BCAS3: variants seen among roughly 807,000 people sequenced by gnomAD.
The protein encoded by BCAS3 is BCAS3 microtubule associated cell migration factor.
Under a neutral mutation model 116.1 loss-of-function variants are expected in BCAS3, and 53 were observed. The observed-to-expected ratio is 0.46, with a 90% confidence interval of 0.37 to 0.57. BCAS3 has a LOEUF of 0.57. Ranked by LOEUF, BCAS3 falls within the 20% of genes least tolerant of loss-of-function variation. The pLI is 0.00. For missense variants in BCAS3, 917 were observed against 1,165.4 expected (o/e 0.79, Z 3.10); for synonymous variants, 391 against 408.2 (o/e 0.96, Z 0.51).
chr17:61,338,765 C>T (rs759767305), intron 22 of BCAS3, among the ~76,000 whole-genome samples: 6 of 151,962 alleles, frequency 3.9e-5, no homozygotes, highest in Non-Finnish European at 8.8e-5. Flanking sequence ...TGAGTAACGC[C>T]TTTTCCATTT....
intron 6 of BCAS3, among the ~76,000 whole-genome samples, chr17:60,788,347 A>G (rs774979522): frequency 1.1e-4 from 16 of 152,162 alleles, no homozygotes; most frequent in Non-Finnish European, 1.6e-4. Context: ...ATAAAATGGA[A>G]GATTTGTGTT....
rs11311858 is a variant in BCAS3, at chr17:61,198,132, G to GTTTTTTT, written c.2425+113574_2425+113580dup. Among the ~76,000 whole-genome samples, 2 of 143,652 alleles carry GTTTTTTT rather than the reference G, an allele frequency of 1.4e-5. No individual in the cohort carries two copies. Among genetic ancestry groups the GTTTTTTT allele is most frequent in the Non-Finnish European group, 3.1e-5 (2 of 65,482 alleles). The allele number at this position is 143,652 out of a possible 152,430, so 94.2% of individuals were successfully genotyped here. ...GCGATTAAGATAAAGTGCAAGATAT[G>GTTTTTTT]TTTTTTTTTTTTCTTTTTTTTTTTT... On this transcript the variant is annotated intron_variant, in intron 22 of 23. Transcript: ENST00000407086. The surrounding 1 kb of genome is among the most constrained non-coding windows in gnomAD (Gnocchi z 5.0).
At chr17:60,727,543 G>A (rs755248377) in intron 5 of BCAS3, 7 of 1,201,914 alleles carry the variant, frequency 5.8e-6, no homozygotes, top group Non-Finnish European at 6.9e-6. Flanking sequence ...TGAGACTCTC[G>A]CCTCGCAAAG....
At chr17:61,160,842 T>C (rs1329147414) in intron 22 of BCAS3, among the ~76,000 whole-genome samples, 2 of 152,128 alleles carry the variant, frequency 1.3e-5, no homozygotes, top group African/African-American at 4.8e-5. Flanking sequence ...CTGCAGCTGA[T>C]ATAAATGCAG....
At chr17:60,976,020 C>CTTTTTTTTTTTTTTTT (rs755966067) in intron 14 of BCAS3, among the ~76,000 whole-genome samples, 6 of 98,312 alleles carry the variant, frequency 6.1e-5, no homozygotes, top group Admixed American at 1.6e-4. Flanking sequence ...TAGATTTTTG[C>CTTTTTTTTTTTTTTTT]TTTTTTTTTT....
intron 6 of BCAS3, among the ~76,000 whole-genome samples, chr17:60,793,950 C>T (rs1198953108): frequency 2.6e-5 from 4 of 152,122 alleles, no homozygotes; most frequent in South Asian, 2.1e-4. Flanking sequence ...ATCAAATGGT[C>T]GTTCTACTTT....
intron 7 of BCAS3, among the ~76,000 whole-genome samples, chr17:60,844,497 A>C (rs1005037465): frequency 6.6e-6 from 1 of 152,102 alleles, no homozygotes; most frequent in Non-Finnish European, 1.5e-5. Context: ...GTATAAAAAA[A>C]CTTCAGTTTT....
In BCAS3 at chr17:61,029,412, A is replaced by G. The variant is rs2066476352; in HGVS notation, c.1638-5254A>G. On this transcript the variant is annotated intron_variant, in intron 16 of 23. Transcript: ENST00000407086. The surrounding 1 kb of genome is among the most constrained non-coding windows in gnomAD (Gnocchi z 5.2). ...AGTCACTTTGGACTTCCCTGGTATT[A>G]TGTGTCATCTAGGTTAGTTTAGGAT... is the stretch of plus-strand genomic sequence containing the variant. Among the ~76,000 whole-genome samples the G allele has an allele frequency of 6.6e-6, 1 of 151,992 alleles. No homozygotes were observed. Among genetic ancestry groups the G allele is most frequent in the Non-Finnish European group, 1.5e-5 (1 of 67,908 alleles).
At chr17:61,094,038 G>A (rs1057494266) in intron 22 of BCAS3, among the ~76,000 whole-genome samples, 2 of 152,100 alleles carry the variant, frequency 1.3e-5, no homozygotes, top group Non-Finnish European at 2.9e-5. Flanking sequence ...TTCTACTGTG[G>A]TGAAATTTAG....
Position 60,995,788 on chromosome 17 carries a change from T to C in BCAS3, c.1486+5553T>C, listed in dbSNP as rs75612013. On this transcript the variant is annotated intron_variant, in intron 15 of 23. Coordinates refer to ENST00000407086, the MANE Select transcript of BCAS3 (RefSeq NM_017679.5). The surrounding 1 kb of genome is among the most constrained non-coding windows in gnomAD (Gnocchi z 4.7). ...TAGTGTTTATTGTGTCCAGGCACTG[T>C]TCTGAGTTTAGGAATTTAGCAGTGA... is the stretch of plus-strand genomic sequence containing the variant. Among the ~76,000 whole-genome samples, 4,562 of 152,252 alleles carry C rather than the reference T, an allele frequency of 0.03. 237 individuals are homozygous for C. Among genetic ancestry groups the C allele is most frequent in the African/African-American group, 0.1 (4,230 of 41,538 alleles).
At chr17:61,143,596 G>C (rs1050288215) in intron 22 of BCAS3, among the ~76,000 whole-genome samples, 2 of 151,966 alleles carry the variant, frequency 1.3e-5, no homozygotes, top group African/African-American at 4.8e-5. Context: ...GATCACCTGA[G>C]GTCAGGAGTT....
chr17:61,190,297 G>A (rs542489031), intron 22 of BCAS3, among the ~76,000 whole-genome samples: 8 of 152,050 alleles, frequency 5.3e-5, no homozygotes, highest in South Asian at 2.1e-4. Context: ...AGGCCAAGGC[G>A]GGTGGATTAC....
chr17:61,383,639 G>A (rs549193278), intron 23 of BCAS3: 5 of 152,302 alleles, frequency 3.3e-5, no homozygotes, highest in Admixed American at 3.3e-4. Flanking sequence ...ACAGATAAGA[G>A]CACAGGCCTT....
At chr17:60,755,795 A>G (rs921942494) in intron 6 of BCAS3, among the ~76,000 whole-genome samples, 9 of 152,086 alleles carry the variant, frequency 5.9e-5, no homozygotes, top group African/African-American at 2.2e-4. Context: ...CTGTTTTTTC[A>G]ATTTTTAATT....
chr17:61,232,446 T>C (rs1320699309), intron 22 of BCAS3, among the ~76,000 whole-genome samples: 1 of 151,924 alleles, frequency 6.6e-6, no homozygotes, highest in African/African-American at 2.4e-5. Context: ...TCTGGCAGGG[T>C]GGGAGGTTGT....
Position 61,007,946 on chromosome 17 carries a change from C to G in BCAS3, c.1487-7805C>G, listed in dbSNP as rs1008346905. ...AAGTTATAGGCAAAATGAATCAGTGCCCACACAGGATTGTCCTTCAGTATT... is the reference window on the plus strand; with the variant it reads ...AAGTTATAGGCAAAATGAATCAGTGGCCACACAGGATTGTCCTTCAGTATT... On this transcript the variant is annotated intron_variant, in intron 15 of 23. Coordinates refer to ENST00000407086, the MANE Select transcript of BCAS3 (RefSeq NM_017679.5). This position sits in a 1 kb window ranked among gnomAD's most constrained non-coding sequence, Gnocchi z 4.3. Among the ~76,000 whole-genome samples the G allele has an allele frequency of 2.0e-5, 3 of 152,078 alleles. No individual in the cohort carries two copies. Among genetic ancestry groups the G allele is most frequent in the Non-Finnish European group, 4.4e-5 (3 of 67,996 alleles).
Position 60,960,722 on chromosome 17 carries a change from C to G in BCAS3, c.1221+13370C>G, listed in dbSNP as rs574282223. ...CAGGTTTGCACCTAGGTAGCTCTATCAGCCTGTTTCCTGCTTGTGGAATTT... is the reference window on the plus strand; with the variant it reads ...CAGGTTTGCACCTAGGTAGCTCTATGAGCCTGTTTCCTGCTTGTGGAATTT... On this transcript the variant is annotated intron_variant, in intron 14 of 23. Transcript: ENST00000407086. The surrounding 1 kb of genome is among the most constrained non-coding windows in gnomAD (Gnocchi z 4.1). Among the ~76,000 whole-genome samples, 1 of 151,742 alleles carries G rather than the reference C, an allele frequency of 6.6e-6. No individual in the cohort carries two copies. Among genetic ancestry groups the G allele is most frequent in the Non-Finnish European group, 1.5e-5 (1 of 67,980 alleles).
chr17:60,768,229 G>A (rs1196030689), intron 6 of BCAS3, among the ~76,000 whole-genome samples: 4 of 152,168 alleles, frequency 2.6e-5, no homozygotes, highest in African/African-American at 7.2e-5. Flanking sequence ...AATACTGAGT[G>A]TCAACTTGAT....
intron 7 of BCAS3, among the ~76,000 whole-genome samples, chr17:60,824,943 A>T (rs2050255812): frequency 6.6e-6 from 1 of 152,178 alleles, no homozygotes; most frequent in Non-Finnish European, 1.5e-5. Context: ...AGGCAGGAGG[A>T]TCGCTTGAGC....
Sources: gnomAD v4.1 joint callset for allele counts (sites outside exome capture counted in the v4.1 genomes callset) on GRCh38, gnomAD v4.1.1 for gene constraint, Gnocchi (gnomAD v3.1) non-coding constraint, MANE v1.5 for transcripts, NCBI Gene and HGNC (gene_info 2026-07-23, HGNC 2026-07-21) for gene names.